Variants in LDB1 observed in about 807,000 individuals in gnomAD.
The protein encoded by LDB1 is LIM domain-binding protein 1.
LDB1 carries 6 observed loss-of-function variants against 49.7 expected under a neutral mutation model. That is an observed-to-expected ratio of 0.12 (90% CI 0.07 to 0.24). LDB1 has a LOEUF of 0.24. Ranked by LOEUF, LDB1 falls within the 10% of genes least tolerant of loss-of-function variation. The pLI is 1.00. For missense variants in LDB1, 341 were observed against 561.7 expected, an observed-to-expected ratio of 0.61 and a Z score of 3.97; for synonymous variants, 233 against 202.0, an observed-to-expected ratio of 1.15 and a Z score of -1.30.
chr10:102,120,003 A>C (rs887772749), intron 1 of LDB1, 83 bp downstream of exon 1: 48 of 1,135,442 alleles, frequency 4.2e-5, no homozygotes, highest in Non-Finnish European at 5.5e-5. Context: ...CGCCCCCCAC[A>C]CAAGTTCTCG....
chr10:102,109,681 G>A lies in LDB1; in HGVS notation c.651C>T (p.Ala217=), dbSNP rs746085513. 3.7e-6 allele frequency: 6 copies of A among 1,613,968 alleles called. No individual in the cohort carries two copies. Among genetic ancestry groups the A allele is most frequent in the Admixed American group, 1.7e-5 (1 of 60,014 alleles). The change falls in exon 8 of 11, where the codon GCC becomes GCT. Residue 217 remains alanine, a splice_region_variant and synonymous_variant. Coordinates refer to ENST00000673968, the MANE Select transcript of LDB1 (RefSeq NM_001113407.3). This position sits in a 1 kb window ranked among gnomAD's most constrained non-coding sequence, Gnocchi z 5.8. ...GCTGATCCAACATCTGGGGGTCTTG[G>A]GCCTAGAGTGGGAGAAAAGACAAGA... ...LIPRSILAMH[A]QDPQMLDQLS...
chr10:102,106,782 G>A lies in LDB1; in HGVS notation c.*1311C>T, dbSNP rs979323316. Among the ~76,000 whole-genome samples the A allele has an allele frequency of 2.1e-4, 32 of 152,174 alleles. No individual in the cohort carries two copies. The highest frequency in any genetic ancestry group is 7.7e-4 in the African/African-American group (32 of 41,518). ...CAGGAAAAGGCAGCAAAGCCACAGA[G>A]CTGGACCAGCTGCGTGAAACCCTGC... On this transcript the variant is annotated 3_prime_UTR_variant, in exon 11 of 11. Transcript: ENST00000673968.
chr10:102,113,081 TCTC>T (rs1202383525), intron 1 of LDB1, among the ~76,000 whole-genome samples: 3 of 152,148 alleles, frequency 2.0e-5, no homozygotes, highest in Admixed American at 2.0e-4. Context: ...TGTATCTAGA[TCTC>T]CTCCCCAACT....
In LDB1 at chr10:102,120,287, C is replaced by G. The variant is rs2068401027; in HGVS notation, c.-177G>C. On this transcript the variant is annotated 5_prime_UTR_variant, in exon 1 of 11. Transcript: ENST00000673968. ...GCTGCGGCGAGGGGCCTGTCAGGCG[C>G]GGAGCAGACAGGAAGGAAGCCAGGC... The G allele has an allele frequency of 1.4e-5, 14 of 984,066 alleles. No homozygotes were observed. The South Asian group carries it at 6.0e-4, about 42-fold the overall frequency. 61.0% of individuals were successfully genotyped at this position (984,066 alleles called of 1,614,324 possible).
At position 102,111,529 on chromosome 10, in the gene LDB1, G is replaced by A; in HGVS notation, c.33C>T (p.Ser11=). ...GCGAGTACAGCTTGAATGACTTTGA[G>A]GAACAACCTAGACGAGAAAGAAAGG... MSVGCACPGC[S]SKSFKLYSPK... is the part of the protein sequence containing the mutation. The change falls in exon 2 of 11, where the codon TCC becomes TCT. Residue 11 remains serine (S), a synonymous_variant. Coordinates refer to ENST00000673968, the MANE Select transcript of LDB1 (RefSeq NM_001113407.3). 2 of 1,529,378 alleles carry A rather than the reference G, an allele frequency of 1.3e-6. No homozygotes were observed. The highest frequency in any genetic ancestry group is 1.3e-5 in the South Asian group (1 of 77,166). The allele number at this position is 1,529,378 out of a possible 1,614,324, so 94.7% of individuals were successfully genotyped here.
At position 102,106,880 on chromosome 10, in the gene LDB1, C is replaced by G. The variant is rs919530077; in HGVS notation, c.*1213G>C. 1.0e-3 allele frequency among the ~76,000 whole-genome samples: 153 copies of G among 152,144 alleles called. 1 individual carries two copies. The highest frequency in any genetic ancestry group is 3.6e-3 in the African/African-American group (151 of 41,430). On this transcript the variant is annotated 3_prime_UTR_variant, in exon 11 of 11. Coordinates refer to ENST00000673968, the MANE Select transcript of LDB1 (RefSeq NM_001113407.3). ...CCTTCCTTCTGTGAGGAAGGAGCGG[C>G]AGGGGATACTGGCAGGTGAAGACCC...
At chr10:102,114,635 TGGGCCGGGGGCCGGGGGCCAGG>T (rs1167090745) in intron 1 of LDB1, 1 of 934,324 alleles carries the variant, frequency 1.1e-6, no homozygotes, top group East Asian at 1.3e-4. Flanking sequence ...CAATGGCCAC[TGGGCCGGGGGCCGGGGGCCAGG>T]GGGCCGGCCT....
chr10:102,107,637 G>C lies in LDB1; in HGVS notation c.*456C>G, dbSNP rs2068182638. The C allele has an allele frequency of 1.3e-5, 2 of 157,122 alleles. No homozygotes were observed. Among genetic ancestry groups the C allele is most frequent in the Admixed American group, 6.3e-5 (1 of 15,770 alleles). 9.7% of individuals were successfully genotyped at this position (157,122 alleles called of 1,614,324 possible). Reference sequence around the variant, plus strand: ...CTGGGATAAGTGGCAGCAGGGAGGAGGGGCCCAGAGCTTTACCCCTCTATT... The same window carrying C: ...CTGGGATAAGTGGCAGCAGGGAGGACGGGCCCAGAGCTTTACCCCTCTATT... On this transcript the variant is annotated 3_prime_UTR_variant, in exon 11 of 11. Coordinates refer to ENST00000673968, the MANE Select transcript of LDB1 (RefSeq NM_001113407.3).
chr10:102,104,548 C>A, downstream of LDB1, among the ~76,000 whole-genome samples: 1 of 152,064 alleles, frequency 6.6e-6, no homozygotes. Flanking sequence ...TCCTCTTCAC[C>A]AGGGGTTCCT....
chr10:102,120,033 TC>T, intron 1 of LDB1, 52 bp downstream of exon 1: 1 of 1,353,878 alleles, frequency 7.4e-7, no homozygotes, highest in Non-Finnish European at 9.8e-7. Flanking sequence ...GGGTGAGGGG[TC>T]CGCAGGGACG....
At chr10:102,114,637 G>A in intron 1 of LDB1, 2 of 977,186 alleles carry the variant, frequency 2.0e-6, no homozygotes, top group Non-Finnish European at 2.4e-6. Flanking sequence ...ATGGCCACTG[G>A]GCCGGGGGCC....
chr10:102,110,788 G>T, intron 5 of LDB1, 81 bp downstream of exon 5: 1 of 1,576,740 alleles, frequency 6.3e-7, no homozygotes, highest in Non-Finnish European at 8.7e-7. Context: ...GATATCCCCT[G>T]GCACTCCCAG....
downstream of LDB1, among the ~76,000 whole-genome samples, chr10:102,103,789 C>T (rs572429952): frequency 8.0e-5 from 12 of 150,222 alleles, no homozygotes; most frequent in East Asian, 4.0e-4. Flanking sequence ...ACTCCAGCCT[C>T]GTCGACAGAA....
chr10:102,118,474 A>G (rs796846614), intron 1 of LDB1, among the ~76,000 whole-genome samples: 32 of 148,454 alleles, frequency 2.2e-4, no homozygotes, highest in African/African-American at 7.1e-4. Context: ...TGCTGCTCCC[A>G]GAGACTAAGA....
chr10:102,118,055 C>T (rs1564917093), intron 1 of LDB1, among the ~76,000 whole-genome samples: 1 of 151,828 alleles, frequency 6.6e-6, no homozygotes, highest in Non-Finnish European at 1.5e-5. Context: ...TGCCAGGGCG[C>T]CTCAGCCCTC....
intron 1 of LDB1, chr10:102,114,488 G>C (rs1484187556): frequency 4.1e-6 from 4 of 986,252 alleles, no homozygotes; most frequent in Non-Finnish European, 2.4e-6. Context: ...AGGGCTGACG[G>C]GGGGACAACT....
Position 102,107,357 on chromosome 10 carries a change from G to A in LDB1, c.*736C>T, listed in dbSNP as rs1250500505. Reference sequence around the variant, plus strand: ...CCAATGTCCCCCTACCCCATGGCATGCTTTCCTCAACTGCAGTCACCCCAG... The same window carrying A: ...CCAATGTCCCCCTACCCCATGGCATACTTTCCTCAACTGCAGTCACCCCAG... On this transcript the variant is annotated 3_prime_UTR_variant, in exon 11 of 11. Coordinates refer to ENST00000673968, the MANE Select transcript of LDB1 (RefSeq NM_001113407.3). 6.6e-6 allele frequency among the ~76,000 whole-genome samples: 1 copy of A among 152,004 alleles called. No homozygotes were observed. The highest frequency in any genetic ancestry group is 1.5e-5 in the Non-Finnish European group (1 of 68,002).
upstream of LDB1, among the ~76,000 whole-genome samples, chr10:102,120,818 C>G (rs1590295216): frequency 5.3e-5 from 8 of 151,980 alleles, 1 homozygote; most frequent in African/African-American, 1.9e-4. Flanking sequence ...CTGGGGGAGG[C>G]GGAGCCGGGG....
At position 102,109,852 on chromosome 10, in the gene LDB1, G is replaced by T; in HGVS notation, c.648+69C>A. On this transcript the variant is annotated intron_variant, in intron 7 of 10. Transcript: ENST00000673968. This position sits in a 1 kb window ranked among gnomAD's most constrained non-coding sequence, Gnocchi z 5.8. ...CTGTCTAAGTAGTCAGTCGGGAAATGGCAGACCTTGTTCCACCCTTCCCCC... is the reference window on the plus strand; with the variant it reads ...CTGTCTAAGTAGTCAGTCGGGAAATTGCAGACCTTGTTCCACCCTTCCCCC... 2 of 1,585,566 alleles carry T rather than the reference G, an allele frequency of 1.3e-6. No homozygotes were observed. The highest frequency in any genetic ancestry group is 1.7e-6 in the Non-Finnish European group (2 of 1,165,412).
Sources: gnomAD v4.1 joint callset for allele counts (sites outside exome capture counted in the v4.1 genomes callset) on GRCh38, gnomAD v4.1.1 for gene constraint, Gnocchi (gnomAD v3.1) non-coding constraint, MANE v1.5 for transcripts, NCBI Gene and HGNC (gene_info 2026-07-23, HGNC 2026-07-21) for gene names.